Variants in EYS observed in about 807,000 individuals in gnomAD.
EYS encodes EGF-like photoreceptor maintenance factor, also known as protein eyes shut homolog.
A neutral mutation model predicts 282.1 loss-of-function variants in EYS; 250 were observed. The ratio of observed to expected loss-of-function variants is 0.89; its 90% CI spans 0.80 to 0.98. The LOEUF is 0.98. Among genes scored for constraint, EYS ranks in the 50% least tolerant of loss-of-function variants. The pLI is 0.00. For missense variants in EYS, 4,016 were observed against 3,709.0 expected (o/e 1.08, Z -2.15); for synonymous variants, 1,355 against 1,282.9 (o/e 1.06, Z -1.20).
chr6:64,837,117 T>A (rs988165613), intron 19 of EYS, among the ~76,000 whole-genome samples: 1 of 151,744 alleles, frequency 6.6e-6, no homozygotes, highest in Non-Finnish European at 1.5e-5. Context: ...CAATAAAAAA[T>A]TGTTATTGTT....
At chr6:65,186,380 T>G (rs955789197) in intron 12 of EYS, among the ~76,000 whole-genome samples, 1 of 151,868 alleles carries the variant, frequency 6.6e-6, no homozygotes, top group South Asian at 2.1e-4. Flanking sequence ...TCTTTAGGCA[T>G]GTAGAGGTCT....
intron 22 of EYS, among the ~76,000 whole-genome samples, chr6:64,767,227 G>T: frequency 6.6e-6 from 1 of 152,106 alleles, no homozygotes; most frequent in East Asian, 1.9e-4. Flanking sequence ...TCACATCAGG[G>T]TAATTAGCAT....
intron 19 of EYS, among the ~76,000 whole-genome samples, chr6:64,843,428 G>A (rs1333929189): frequency 6.6e-6 from 1 of 152,118 alleles, no homozygotes; most frequent in Non-Finnish European, 1.5e-5. Flanking sequence ...AAGCCACAGG[G>A]GCAGAACTGC....
At chr6:65,278,425 T>G (rs1370637932) in intron 12 of EYS, among the ~76,000 whole-genome samples, 1 of 148,680 alleles carries the variant, frequency 6.7e-6, no homozygotes, top group African/African-American at 2.5e-5. Context: ...TGGTTCTGTT[T>G]CTCTGGAGAA....
At chr6:64,821,990 T>C (rs114610672) in intron 20 of EYS, among the ~76,000 whole-genome samples, 1,801 of 152,170 alleles carry the variant, frequency 0.012, 37 homozygotes, top group African/African-American at 0.04. Context: ...CTAGGGCTTA[T>C]GTGAGAAACT....
chr6:65,061,471 A>T (rs1773571709), intron 12 of EYS, among the ~76,000 whole-genome samples: 1 of 151,844 alleles, frequency 6.6e-6, no homozygotes, highest in African/African-American at 2.4e-5. Flanking sequence ...CACATGCGTA[A>T]TCTCTCCCAT....
At chr6:64,117,802 A>C (rs892445707) in intron 31 of EYS, among the ~76,000 whole-genome samples, 1 of 152,012 alleles carries the variant, frequency 6.6e-6, no homozygotes, top group African/African-American at 2.4e-5. Flanking sequence ...TATTTAAAGA[A>C]ATCTAAAAAC....
At chr6:64,776,985 G>C (rs1773699579) in intron 22 of EYS, among the ~76,000 whole-genome samples, 1 of 152,162 alleles carries the variant, frequency 6.6e-6, no homozygotes, top group Non-Finnish European at 1.5e-5. Flanking sequence ...GAGGCCTCAG[G>C]AAACTTACAA....
chr6:63,982,164 T>G (rs1301366417), intron 35 of EYS, among the ~76,000 whole-genome samples: 1 of 151,894 alleles, frequency 6.6e-6, no homozygotes, highest in African/African-American at 2.4e-5. Context: ...CCTATTTCTC[T>G]GAGTTGGTAA....
intron 26 of EYS, among the ~76,000 whole-genome samples, chr6:64,525,851 G>C (rs1777900160): frequency 1.3e-5 from 2 of 151,642 alleles, no homozygotes. Flanking sequence ...ATATGATCCA[G>C]AAATTGTACT....
At chr6:65,606,708 A>G (rs1276074449) in intron 2 of EYS, among the ~76,000 whole-genome samples, 1 of 151,878 alleles carries the variant, frequency 6.6e-6, no homozygotes, top group Non-Finnish European at 1.5e-5. Context: ...AATGAAAAGT[A>G]AAAGTTAAAG....
intron 26 of EYS, among the ~76,000 whole-genome samples, chr6:64,509,222 A>G (rs1252874029): frequency 6.6e-6 from 1 of 152,152 alleles, no homozygotes; most frequent in African/African-American, 2.4e-5. Context: ...TTTATATTTA[A>G]AAATGTTTTC....
intron 22 of EYS, 46 bp from the exon 23 acceptor site, chr6:64,626,291 G>A (rs1408945467): frequency 6.7e-7 from 1 of 1,497,496 alleles, no homozygotes; most frequent in East Asian, 2.5e-5. Flanking sequence ...TTATACACAT[G>A]AGCACTATCA....
intron 8 of EYS, among the ~76,000 whole-genome samples, chr6:65,354,715 A>G (rs9445515): frequency 0.9 from 136,914 of 152,040 alleles, 61,963 homozygotes; most frequent in Non-Finnish European, 0.95. Context: ...TACTCTGGAG[A>G]CTGAGGCAGG....
At chr6:65,341,171 G>C (rs748565105) in intron 10 of EYS, among the ~76,000 whole-genome samples, 1 of 151,156 alleles carries the variant, frequency 6.6e-6, no homozygotes, top group African/African-American at 2.4e-5. Context: ...GATGAGTTCA[G>C]ATGATCACAT....
At chr6:65,392,781 G>A (rs141091536) in intron 7 of EYS, among the ~76,000 whole-genome samples, 69,813 of 147,178 alleles carry the variant, frequency 0.47, 17,019 homozygotes, top group South Asian at 0.53. Context: ...TCAGGGATCT[G>A]GAACTAGAAA....
intron 32 of EYS, among the ~76,000 whole-genome samples, chr6:64,069,569 T>C (rs1399840051): frequency 6.6e-6 from 1 of 152,050 alleles, no homozygotes; most frequent in African/African-American, 2.4e-5. Context: ...TCTCCAAAAT[T>C]ACAACCTTCA....
chr6:64,242,495 C>A (rs1319847212), intron 30 of EYS, among the ~76,000 whole-genome samples: 1 of 151,916 alleles, frequency 6.6e-6, no homozygotes, highest in Non-Finnish European at 1.5e-5. Context: ...GTTTTATGTT[C>A]ATATTTCCTT....
rs530521158 is a variant in EYS, at chr6:64,506,908, T to TA, written c.5645-67557dup. Among the ~76,000 whole-genome samples the TA allele has an allele frequency of 3.2e-3, 311 of 97,788 alleles. 3 individuals carry two copies. Among genetic ancestry groups the TA allele is most frequent in the Non-Finnish European group, 3.5e-3 (191 of 54,208 alleles). The allele number at this position is 97,788 out of a possible 152,430, so 64.2% of individuals were successfully genotyped here. On this transcript the variant is annotated intron_variant, in intron 26 of 42. Coordinates refer to ENST00000503581, the MANE Select transcript of EYS (RefSeq NM_001142800.2). ...TGGGCGATAAAGCGAGGCTGTGTCT[T>TA]AAAAAAAAAAAAAAAAACTGACTTA...
Sources: gnomAD v4.1 joint callset for allele counts (sites outside exome capture counted in the v4.1 genomes callset) on GRCh38, gnomAD v4.1.1 for gene constraint, MANE v1.5 for transcripts, NCBI Gene and HGNC (gene_info 2026-07-23, HGNC 2026-07-21) for gene names.